CFAP57: variants seen among roughly 807,000 people sequenced by gnomAD.
CFAP57 encodes the protein cilia and flagella associated protein 57.
In CFAP57, 116 loss-of-function variants were observed where a neutral mutation model predicts 146.8. The observed-to-expected ratio is 0.79, with a 90% confidence interval of 0.68 to 0.92. The LOEUF is 0.92. Among genes scored for constraint, CFAP57 ranks in the 40% least tolerant of loss-of-function variants. CFAP57 has a pLI of 0.00. For synonymous variants in CFAP57, 518 were observed against 552.8 expected, an observed-to-expected ratio of 0.94 and a Z score of 0.88; for missense variants, 1,377 against 1,527.2, an observed-to-expected ratio of 0.90 and a Z score of 1.64.
chr1:43,250,440 C>T (rs1048616065), intron 22 of CFAP57: 1 of 152,242 alleles, frequency 6.6e-6, no homozygotes, highest in African/African-American at 2.4e-5. Context: ...CCAGGCCCAA[C>T]TCTGCTTAGA....
At chr1:43,210,055 C>G in intron 11 of CFAP57, 139 bp downstream of exon 11, 2 of 1,614,142 alleles carry the variant, frequency 1.2e-6, no homozygotes, top group African/African-American at 2.7e-5. Context: ...GAATCACCAT[C>G]TATTGACTAT....
intron 22 of CFAP57, among the ~76,000 whole-genome samples, chr1:43,249,179 C>T (rs193263791): frequency 4.0e-5 from 6 of 151,688 alleles, no homozygotes; most frequent in South Asian, 4.1e-4. Flanking sequence ...GGATTATAGG[C>T]GTGAGCTGCC....
At chr1:43,245,833 T>A (rs565175092) in intron 22 of CFAP57, among the ~76,000 whole-genome samples, 37 of 152,236 alleles carry the variant, frequency 2.4e-4, no homozygotes, top group Non-Finnish European at 4.6e-4. Flanking sequence ...TTAAGGAAAA[T>A]TTTTATACAA....
Position 43,197,586 on chromosome 1 carries a change from C to T in CFAP57, c.1156C>T (p.Pro386Ser), listed in dbSNP as rs1156375662. The T allele has an allele frequency of 1.6e-5, 26 of 1,613,954 alleles. No individual in the cohort carries two copies. The highest frequency in any genetic ancestry group is 3.3e-4 in the Middle Eastern group (2 of 6,084). ...EPAHFEYLMY[P>S]LHSAPITGLA... ...TGCTCACTTTGAGTATTTGATGTAT[C>T]CATTGCACTCAGCACCCATCACCGG... The change falls in exon 7 of 23, where the codon CCA becomes TCA. Residue 386 changes from proline to serine, a missense_variant. Transcript: ENST00000372492.
At chr1:43,250,292 G>C (rs924719642) in intron 22 of CFAP57, 1 of 152,182 alleles carries the variant, frequency 6.6e-6, no homozygotes, top group Non-Finnish European at 1.5e-5. Context: ...TGCCCCAATA[G>C]TTAATCCAGT....
chr1:43,248,380 C>G (rs1402177733), intron 22 of CFAP57, among the ~76,000 whole-genome samples: 14 of 147,852 alleles, frequency 9.5e-5, no homozygotes, highest in Admixed American at 6.7e-4. Context: ...TGCAGTGGCG[C>G]AATCTCGGCT....
chr1:43,183,953 A>G (rs1645528950), intron 4 of CFAP57, 76 bp downstream of exon 4: 1 of 1,584,432 alleles, frequency 6.3e-7, no homozygotes, highest in African/African-American at 1.3e-5. Flanking sequence ...CACTCTTTAG[A>G]AACCACTCAT....
At chr1:43,193,606 T>C (rs1366186868) in intron 6 of CFAP57, among the ~76,000 whole-genome samples, 1 of 152,098 alleles carries the variant, frequency 6.6e-6, no homozygotes, top group Non-Finnish European at 1.5e-5. Flanking sequence ...TAGTAACATA[T>C]AGAAATGTTA....
intron 21 of CFAP57, among the ~76,000 whole-genome samples, chr1:43,241,474 C>T (rs1378336413): frequency 2.0e-5 from 3 of 151,992 alleles, no homozygotes; most frequent in Non-Finnish European, 4.4e-5. Context: ...GGTACCTCCC[C>T]ACAGCAGAGG....
intron 18 of CFAP57, among the ~76,000 whole-genome samples, chr1:43,231,699 C>CAAAA (rs10588937): frequency 6.0e-5 from 5 of 83,572 alleles, no homozygotes; most frequent in Non-Finnish European, 1.6e-4. Context: ...CCTAAAAATA[C>CAAAA]AAAAAAAAAA....
chr1:43,253,753 G>T (rs1344022485), intron 22 of CFAP57, among the ~76,000 whole-genome samples: 14 of 152,120 alleles, frequency 9.2e-5, no homozygotes, highest in Middle Eastern at 3.4e-3. Flanking sequence ...CTGGGCTGGG[G>T]TGGTTCTCAG....
chr1:43,224,099 A>G lies in CFAP57; in HGVS notation c.2760A>G (p.Leu920=). The G allele has an allele frequency of 6.4e-7, 1 of 1,550,588 alleles. No homozygotes were observed. Among genetic ancestry groups the G allele is most frequent in the Non-Finnish European group, 8.7e-7 (1 of 1,146,978 alleles). ...AACGAACCAATGACATCGAGACCCT[A>G]AAAGGAGAGCAGATGAAGCTGCAAG... ...IEERTNDIET[L]KGEQMKLQGV... is the part of the protein sequence containing the mutation. Residue 920 remains leucine (L), a synonymous_variant, in exon 17 of 23, where the codon CTA becomes CTG. Transcript: ENST00000372492.
Position 43,254,265 on chromosome 1 carries a change from T to C in CFAP57, c.*74T>C, listed in dbSNP as rs1226364780. On this transcript the variant is annotated 3_prime_UTR_variant, in exon 23 of 23. Transcript: ENST00000372492. ...GTCTGTCCCCAAGCCAGACTTGCGG[T>C]TGGAGTCTGTATGGTCCCTGCAGCA... is the stretch of plus-strand genomic sequence containing the variant. 3.6e-6 allele frequency: 5 copies of C among 1,373,676 alleles called. No homozygotes were observed. The highest frequency in any genetic ancestry group is 2.2e-5 in the Admixed American group (1 of 44,994). The allele number at this position is 1,373,676 out of a possible 1,614,324, so 85.1% of individuals were successfully genotyped here.
chr1:43,251,610 GA>G (rs1646328073), intron 22 of CFAP57, among the ~76,000 whole-genome samples: 1 of 152,138 alleles, frequency 6.6e-6, no homozygotes, highest in Non-Finnish European at 1.5e-5. Flanking sequence ...TTTCACAAAT[GA>G]AAAAACAAAG....
At chr1:43,246,962 C>T (rs919468371) in intron 22 of CFAP57, among the ~76,000 whole-genome samples, 3 of 152,110 alleles carry the variant, frequency 2.0e-5, no homozygotes, top group Non-Finnish European at 4.4e-5. Flanking sequence ...GTTTCCTGAA[C>T]ATTAAAACTT....
chr1:43,224,237 G>A (rs890690291), intron 17 of CFAP57, 33 bp downstream of exon 17: 43 of 1,491,986 alleles, frequency 2.9e-5, no homozygotes, highest in Non-Finnish European at 3.4e-5. Flanking sequence ...CCTCAGCTAC[G>A]GCCAGATGGG....
In CFAP57 at chr1:43,234,279, G is replaced by A. The variant is rs1476417148; in HGVS notation, c.3127G>A (p.Glu1043Lys). The change falls in exon 20 of 23, where the codon GAG (glutamate) becomes AAG (lysine). Residue 1043 changes from glutamate to lysine, a missense_variant and splice_region_variant. Transcript: ENST00000372492. ...DQEMRRERQK[E>K]RDLEALVKRF... ...CAGAAGGAAACGTCTCTGATTGCAG[G>A]AGCGAGACTTGGAAGCGCTGGTCAA... is the stretch of plus-strand genomic sequence containing the variant. The A allele has an allele frequency of 1.3e-6, 2 of 1,545,414 alleles. No homozygotes were observed. The highest frequency in any genetic ancestry group is 2.4e-5 in the South Asian group (2 of 83,550).
intron 6 of CFAP57, 148 bp from the exon 7 acceptor site, chr1:43,197,405 A>G: frequency 6.3e-6 from 5 of 788,498 alleles, no homozygotes; most frequent in Non-Finnish European, 1.0e-5. Flanking sequence ...TTGGCTCAGG[A>G]AAATATGCAT....
At chr1:43,252,054 T>G (rs1034744061) in intron 22 of CFAP57, among the ~76,000 whole-genome samples, 7 of 152,174 alleles carry the variant, frequency 4.6e-5, no homozygotes, top group Admixed American at 4.6e-4. Flanking sequence ...TTTTCATAAA[T>G]AAATTAATAA....
Sources: gnomAD v4.1 joint callset for allele counts (sites outside exome capture counted in the v4.1 genomes callset) on GRCh38, gnomAD v4.1.1 for gene constraint, MANE v1.5 for transcripts, NCBI Gene and HGNC (gene_info 2026-07-23, HGNC 2026-07-21) for gene names.